Variants in EPHA5 observed in about 807,000 individuals in gnomAD.
EPHA5 encodes EPH receptor A5, also known as ephrin type-A receptor 5.
EPHA5 carries 60 observed loss-of-function variants against 105.0 expected under a neutral mutation model. The observed-to-expected ratio is 0.57, with a 90% CI of 0.46 to 0.71. EPHA5 has a LOEUF of 0.71. EPHA5 is among the 30% of genes least tolerant of loss of function. EPHA5 has a pLI of 0.00. For synonymous variants in EPHA5, 513 were observed against 449.1 expected (o/e 1.14, Z -1.80); for missense variants, 1,218 against 1,274.7 (o/e 0.96, Z 0.68).
chr4:65,443,990 T>G (rs1177949478), intron 5 of EPHA5, among the ~76,000 whole-genome samples: 1 of 152,160 alleles, frequency 6.6e-6, no homozygotes, highest in Non-Finnish European at 1.5e-5. Context: ...GCAAGTTTCC[T>G]GTAGATTTGA....
intron 7 of EPHA5, among the ~76,000 whole-genome samples, chr4:65,405,879 C>G (rs1038174557): frequency 6.6e-6 from 1 of 151,934 alleles, no homozygotes; most frequent in Non-Finnish European, 1.5e-5. Context: ...TTATTTCTAC[C>G]ACTATTTTTT....
At chr4:65,348,506 A>C (rs149016616) in intron 13 of EPHA5, among the ~76,000 whole-genome samples, 351 of 151,516 alleles carry the variant, frequency 2.3e-3, no homozygotes, top group African/African-American at 8.1e-3. Context: ...GCAAACCAAT[A>C]AGGTATACTC....
At chr4:65,559,612 C>G (rs925296753) in intron 3 of EPHA5, among the ~76,000 whole-genome samples, 2 of 152,074 alleles carry the variant, frequency 1.3e-5, no homozygotes, top group African/African-American at 4.8e-5. Flanking sequence ...AACCAGCAGG[C>G]TCTTTAAGTA....
rs112783438 is a variant in EPHA5, at chr4:65,596,681, A to AGC, written c.910+4959_910+4960insGC. Among the ~76,000 whole-genome samples the AGC allele has an allele frequency of 1.9e-3, 288 of 150,586 alleles. 1 individual carries two copies. Among genetic ancestry groups the AGC allele is most frequent in the African/African-American group, 6.2e-3 (255 of 41,042 alleles). On this transcript the variant is annotated intron_variant, in intron 3 of 16. Coordinates refer to ENST00000613740, the MANE Select transcript of EPHA5 (RefSeq NM_001281766.3). ...CCTTGGTTGTGCCTCACAAAAGCAG[A>AGC]ACACACACACACACACACACACACA...
chr4:65,532,103 T>G, intron 3 of EPHA5, among the ~76,000 whole-genome samples: 1 of 152,176 alleles, frequency 6.6e-6, no homozygotes, highest in East Asian at 1.9e-4. Flanking sequence ...ATCCTTATCT[T>G]AATATTTGGA....
At chr4:65,483,067 G>T (rs1368485691) in intron 5 of EPHA5, among the ~76,000 whole-genome samples, 1 of 152,008 alleles carries the variant, frequency 6.6e-6, no homozygotes, top group Non-Finnish European at 1.5e-5. Context: ...GTGTCCAAGT[G>T]TTCTCATTGT....
intron 3 of EPHA5, among the ~76,000 whole-genome samples, chr4:65,595,435 T>C (rs1026222331): frequency 2.0e-5 from 3 of 152,122 alleles, no homozygotes; most frequent in African/African-American, 7.2e-5. Flanking sequence ...ACGTACATAG[T>C]TTTATTTACC....
chr4:65,326,775 G>A (rs1387805730), intron 16 of EPHA5, among the ~76,000 whole-genome samples: 1 of 151,238 alleles, frequency 6.6e-6, no homozygotes, highest in Non-Finnish European at 1.5e-5. Flanking sequence ...GGGAAATATG[G>A]TTGTAATAAT....
At chr4:65,454,800 T>C (rs1727415083) in intron 5 of EPHA5, among the ~76,000 whole-genome samples, 1 of 152,250 alleles carries the variant, frequency 6.6e-6, no homozygotes, top group African/African-American at 2.4e-5. Context: ...TTGCAAACTT[T>C]ATCCTTTCTT....
intron 8 of EPHA5, among the ~76,000 whole-genome samples, chr4:65,385,277 C>T (rs112686114): frequency 6.3e-4 from 96 of 151,900 alleles, no homozygotes; most frequent in African/African-American, 2.2e-3. Context: ...TTAGCTCCCT[C>T]CATTATGTCT....
At chr4:65,540,828 C>G (rs1490334724) in intron 3 of EPHA5, among the ~76,000 whole-genome samples, 1 of 149,268 alleles carries the variant, frequency 6.7e-6, no homozygotes, top group African/African-American at 2.5e-5. Context: ...GATCCCATCC[C>G]CACCTTTACC....
chr4:65,551,927 A>C (rs1054995281), intron 3 of EPHA5, among the ~76,000 whole-genome samples: 4 of 152,188 alleles, frequency 2.6e-5, no homozygotes, highest in Admixed American at 2.0e-4. Context: ...CTGTATTTGC[A>C]AGTATATTTT....
At chr4:65,348,659 GATATATATAT>G (rs36206921) in intron 13 of EPHA5, among the ~76,000 whole-genome samples, 22,987 of 59,430 alleles carry the variant, frequency 0.39, 3,017 homozygotes, top group Non-Finnish European at 0.5. Context: ...AAACATTGGA[GATATATATAT>G]ATATATATAT....
chr4:65,559,439 C>A (rs1738787778), intron 3 of EPHA5, among the ~76,000 whole-genome samples: 2 of 152,154 alleles, frequency 1.3e-5, no homozygotes, highest in African/African-American at 2.4e-5. Flanking sequence ...TCTGAGGGTG[C>A]ACTCTGCAAG....
intron 8 of EPHA5, among the ~76,000 whole-genome samples, chr4:65,381,218 A>C (rs1461534104): frequency 6.6e-6 from 1 of 151,794 alleles, no homozygotes; most frequent in Non-Finnish European, 1.5e-5. Flanking sequence ...CAACTAAATG[A>C]TAAAATATTT....
chr4:65,631,662 T>C (rs1490643241), intron 2 of EPHA5, among the ~76,000 whole-genome samples: 1 of 150,586 alleles, frequency 6.6e-6, no homozygotes, highest in East Asian at 2.0e-4. Flanking sequence ...GAAGTAATAC[T>C]TAAGTCAAAT....
rs1014857180 is a variant in EPHA5 at position 65,495,297 on chromosome 4, G to A, written c.1066+91C>T. 1.8e-5 allele frequency: 23 copies of A among 1,310,332 alleles called. No individual in the cohort carries two copies. The African/African-American group carries it at 2.7e-4, about 15-fold the overall frequency. The allele number at this position is 1,310,332 out of a possible 1,614,324, so 81.2% of individuals were successfully genotyped here. A position where few individuals can be genotyped will look rare whatever the true frequency, so the allele number is the denominator to read the frequency against. ...TTAAACATTATGTCTGTTTTAGGGG[G>A]AAATGTTACTAGACTATAACAGGCT... is the stretch of plus-strand genomic sequence containing the variant. On this transcript the variant is annotated intron_variant, in intron 4 of 16. Transcript: ENST00000613740.
At chr4:65,508,880 A>G (rs1733327506) in intron 3 of EPHA5, among the ~76,000 whole-genome samples, 1 of 152,166 alleles carries the variant, frequency 6.6e-6, no homozygotes, top group South Asian at 2.1e-4. Flanking sequence ...ATCTGTATCT[A>G]TGAATATAAA....
intron 15 of EPHA5, 86 bp from the exon 16 acceptor site, chr4:65,332,214 G>A (rs1720692211): frequency 9.5e-7 from 1 of 1,056,494 alleles, no homozygotes; most frequent in Non-Finnish European, 1.3e-6. Flanking sequence ...CATATTCAAT[G>A]GATCTTTGAG....
Sources: allele counts gnomAD v4.1 joint callset (sites outside exome capture counted in the v4.1 genomes callset), GRCh38; gene constraint gnomAD v4.1.1; transcripts MANE v1.5; gene names NCBI Gene and HGNC (gene_info 2026-07-23, HGNC 2026-07-21).